The following SLC22A24 variants were observed in gnomAD, a reference collection of about 807,000 sequenced individuals.
The protein encoded by SLC22A24 is solute carrier family 22 member 24.
SLC22A24 carries 53 observed loss-of-function variants against 49.8 expected under a neutral mutation model. The observed-to-expected ratio is 1.06, with a 90% confidence interval of 0.85 to 1.34. SLC22A24 has a LOEUF of 1.34. Ranked by LOEUF, SLC22A24 falls within the 40% of genes most tolerant of loss-of-function variation. SLC22A24 has a pLI of 0.00. For missense variants in SLC22A24, 786 were observed against 675.9 expected, an observed-to-expected ratio of 1.16 and a Z score of -1.81; for synonymous variants, 302 against 256.4, an observed-to-expected ratio of 1.18 and a Z score of -1.70.
At chr11:63,097,817 G>C (rs1365753874) in intron 5 of SLC22A24, among the ~76,000 whole-genome samples, 1 of 152,036 alleles carries the variant, frequency 6.6e-6, no homozygotes, top group Non-Finnish European at 1.5e-5. Context: ...ACTAACACAG[G>C]AGCAGAAATC....
chr11:63,130,251 T>C (rs1167340043), intron 2 of SLC22A24, among the ~76,000 whole-genome samples: 2 of 152,230 alleles, frequency 1.3e-5, no homozygotes, highest in African/African-American at 2.4e-5. Context: ...TTTTTGTCAT[T>C]GGTTCTGTTT....
chr11:63,115,456 C>T (rs1294136715), intron 4 of SLC22A24, among the ~76,000 whole-genome samples: 1 of 152,144 alleles, frequency 6.6e-6, no homozygotes, highest in East Asian at 1.9e-4. Context: ...CCCATTTTTC[C>T]AGGTACAGTC....
chr11:63,082,823 A>C (rs912403996), intron 7 of SLC22A24, among the ~76,000 whole-genome samples: 1 of 152,250 alleles, frequency 6.6e-6, no homozygotes, highest in Non-Finnish European at 1.5e-5. Flanking sequence ...AGAGACCTCA[A>C]AAATTAGAAA....
At position 63,083,431 on chromosome 11, in the gene SLC22A24, C is replaced by G. The variant is rs752467426; in HGVS notation, c.1097G>C (p.Gly366Ala). ...VRFAITVPFY[G>A]LILNLQHLGS... ...TAAGTGCTGCAAGTTGAGTATCAGG[C>G]CATAAAAGGGTACAGTGATTGCGAA... The change falls in exon 7 of 10, where the codon GGC becomes GCC. Residue 366 changes from glycine (G) to alanine (A), a missense_variant. Transcript: ENST00000612278. The G allele has an allele frequency of 4.8e-5, 74 of 1,551,072 alleles. No individual in the cohort carries two copies. In the Admixed American group the frequency reaches 1.3e-3, roughly 27 times the overall value.
rs910893715 is a variant in SLC22A24 at position 63,110,453 on chromosome 11, C to T, written c.831-6155G>A. Among the ~76,000 whole-genome samples the T allele has an allele frequency of 2.7e-5, 4 of 148,736 alleles. No homozygotes were observed. The South Asian group carries it at 8.7e-4, about 32-fold the overall frequency. On this transcript the variant is annotated intron_variant, in intron 4 of 9. Coordinates refer to ENST00000612278, the MANE Select transcript of SLC22A24 (RefSeq NM_001136506.2). ...TTATCTTGGGCAGTATGGCCATTTT[C>T]ACGATATTGATTCTTCCTTCCCATG... is the stretch of plus-strand genomic sequence containing the variant.
At chr11:63,115,991 G>T (rs771767611) in intron 4 of SLC22A24, 3 of 324,792 alleles carry the variant, frequency 9.2e-6, no homozygotes, top group Admixed American at 7.6e-5. Flanking sequence ...GGCACTGCCC[G>T]AGCCCCTTGA....
At chr11:63,115,114 G>A (rs551671300) in intron 4 of SLC22A24, among the ~76,000 whole-genome samples, 28 of 152,320 alleles carry the variant, frequency 1.8e-4, no homozygotes, top group African/African-American at 5.8e-4. Context: ...AGACAGAGAC[G>A]TTTAAGTCTG....
At chr11:63,095,875 T>G in intron 6 of SLC22A24, 116 bp downstream of exon 6, 1 of 750,832 alleles carries the variant, frequency 1.3e-6, no homozygotes. Context: ...TTGTATGTGA[T>G]TTTCTCTTCT....
intron 1 of SLC22A24, among the ~76,000 whole-genome samples, chr11:63,137,262 G>T (rs1364267361): frequency 6.6e-6 from 1 of 152,196 alleles, no homozygotes; most frequent in Non-Finnish European, 1.5e-5. Context: ...AGGATAGTTT[G>T]GAAGGGATAA....
At chr11:63,121,942 T>A (rs1057418655) in intron 2 of SLC22A24, among the ~76,000 whole-genome samples, 1 of 151,934 alleles carries the variant, frequency 6.6e-6, no homozygotes, top group Admixed American at 6.6e-5. Flanking sequence ...AATAAACACA[T>A]GAGAAAGCCC....
At chr11:63,117,102 C>T (rs1211573011) in intron 4 of SLC22A24, among the ~76,000 whole-genome samples, 2 of 152,148 alleles carry the variant, frequency 1.3e-5, no homozygotes, top group Non-Finnish European at 2.9e-5. Flanking sequence ...TACTGATTGC[C>T]TTTTCTTCCT....
intron 6 of SLC22A24, among the ~76,000 whole-genome samples, chr11:63,088,033 T>A (rs527898684): frequency 6.6e-6 from 1 of 152,288 alleles, no homozygotes; most frequent in Admixed American, 6.5e-5. Flanking sequence ...GCACAGCTGA[T>A]CCTGACAAGA....
intron 1 of SLC22A24, among the ~76,000 whole-genome samples, chr11:63,140,313 C>A (rs2087406924): frequency 6.6e-6 from 1 of 152,108 alleles, no homozygotes; most frequent in Non-Finnish European, 1.5e-5. Context: ...ATCTCTTGAC[C>A]TCATGATCTG....
intron 2 of SLC22A24, 87 bp from the exon 3 acceptor site, chr11:63,119,422 G>A (rs1019556772): frequency 1.6e-6 from 2 of 1,271,432 alleles, no homozygotes; most frequent in Admixed American, 5.8e-5. Flanking sequence ...CTTGAAATTA[G>A]GATAAATGTT....
intron 4 of SLC22A24, among the ~76,000 whole-genome samples, chr11:63,114,490 T>G (rs756016140): frequency 5.1e-4 from 77 of 152,224 alleles, no homozygotes; most frequent in Non-Finnish European, 8.4e-4. Flanking sequence ...TTCCTTGTGA[T>G]GTGTTAGAAT....
intron 1 of SLC22A24, among the ~76,000 whole-genome samples, chr11:63,143,056 A>C (rs909723422): frequency 6.6e-6 from 1 of 152,236 alleles, no homozygotes; most frequent in Non-Finnish European, 1.5e-5. Context: ...AGAATTAACA[A>C]ACTTATTTCT....
intron 6 of SLC22A24, among the ~76,000 whole-genome samples, chr11:63,095,417 G>A (rs2087047829): frequency 6.6e-6 from 1 of 152,112 alleles, no homozygotes; most frequent in South Asian, 2.1e-4. Context: ...TTACTGTTAT[G>A]CAAGACAAAA....
At chr11:63,139,208 A>G (rs2087397302) in intron 1 of SLC22A24, among the ~76,000 whole-genome samples, 1 of 152,040 alleles carries the variant, frequency 6.6e-6, no homozygotes. Context: ...CTCTTAATGC[A>G]CACACGAGGG....
intron 7 of SLC22A24, among the ~76,000 whole-genome samples, chr11:63,082,839 CT>C (rs2086967356): frequency 1.3e-5 from 2 of 152,206 alleles, no homozygotes; most frequent in Admixed American, 1.3e-4. Flanking sequence ...AGAAAGTGTC[CT>C]AGACAGAGGC....
Sources: gnomAD v4.1 joint callset for allele counts (sites outside exome capture counted in the v4.1 genomes callset) on GRCh38, gnomAD v4.1.1 for gene constraint, MANE v1.5 for transcripts, NCBI Gene and HGNC (gene_info 2026-07-23, HGNC 2026-07-21) for gene names.